The following ULK2 variants were observed in gnomAD, a reference collection of about 807,000 sequenced individuals.
ULK2 encodes unc-51 like autophagy activating kinase 2.
In ULK2, 76 loss-of-function variants were observed where a neutral mutation model predicts 127.5. The observed-to-expected ratio is 0.60, with a 90% CI of 0.50 to 0.72. The LOEUF (loss-of-function observed/expected upper bound fraction) is 0.72, where lower values mean the gene tolerates loss of function less well. ULK2 is among the 30% of genes least tolerant of loss of function. The pLI is 0.00. For synonymous variants in ULK2, 452 were observed against 461.9 expected, an observed-to-expected ratio of 0.98 and a Z score of 0.28; for missense variants, 1,144 against 1,295.9, an observed-to-expected ratio of 0.88 and a Z score of 1.80.
chr17:19,780,184 A>AG (rs1421798982), intron 25 of ULK2, among the ~76,000 whole-genome samples: 2 of 152,062 alleles, frequency 1.3e-5, no homozygotes, highest in Admixed American at 1.3e-4. Context: ...GAAAAAAAAA[A>AG]AAAGAAAAAA....
chr17:19,780,430 G>A, intron 25 of ULK2, 42 bp downstream of exon 25: 2 of 1,491,156 alleles, frequency 1.3e-6, no homozygotes, highest in Non-Finnish European at 1.8e-6. Context: ...GACACTTAAA[G>A]ATAAGTAGTA....
chr17:19,791,628 T>C (rs1314006520), intron 20 of ULK2, among the ~76,000 whole-genome samples: 1 of 152,048 alleles, frequency 6.6e-6, no homozygotes, highest in Non-Finnish European at 1.5e-5. Context: ...GAGGTTGCAG[T>C]GAGCCAAGAT....
chr17:19,789,495 C>T (rs746241177), intron 20 of ULK2, among the ~76,000 whole-genome samples: 18 of 152,266 alleles, frequency 1.2e-4, no homozygotes, highest in East Asian at 3.9e-4. Context: ...TGCCCAGACA[C>T]GGACAAAAAT....
intron 5 of ULK2, 88 bp downstream of exon 5, chr17:19,849,281 A>G: frequency 8.6e-7 from 1 of 1,158,674 alleles, no homozygotes; most frequent in Non-Finnish European, 1.3e-6. Flanking sequence ...AAGAGCAGAA[A>G]ATGGGTAGTG....
chr17:19,835,673 C>A (rs1319092333), intron 10 of ULK2, among the ~76,000 whole-genome samples: 9 of 150,320 alleles, frequency 6.0e-5, no homozygotes, highest in African/African-American at 2.2e-4. Context: ...GCCGAGATCC[C>A]GCCACTGCAC....
At chr17:19,834,899 ACT>A (rs1408146750) in intron 10 of ULK2, among the ~76,000 whole-genome samples, 2 of 149,808 alleles carry the variant, frequency 1.3e-5, no homozygotes, top group African/African-American at 2.5e-5. Flanking sequence ...GCAGAGTGAG[ACT>A]CTGTCTCAGA....
chr17:19,840,568 TAAAA>T, intron 9 of ULK2: 7 of 183,260 alleles, frequency 3.8e-5, no homozygotes, highest in South Asian at 1.7e-4. Context: ...ATTAATCATT[TAAAA>T]AAAAAAAAAA....
rs1375381859 is a variant in ULK2, at chr17:19,773,545, CAAA to C, written c.*2801_*2803del. On this transcript the variant is annotated 3_prime_UTR_variant, in exon 27 of 27. Coordinates refer to ENST00000395544, the MANE Select transcript of ULK2 (RefSeq NM_014683.4). ...GGTTGTTTCTCTCAACTAAAGTTAT[CAAA>C]ATTGGGTGTTGTAATTTTTAACTTG... The C allele has an allele frequency of 6.6e-6, 1 of 152,142 alleles. No homozygotes were observed. Among genetic ancestry groups the C allele is most frequent in the Non-Finnish European group, 1.5e-5 (1 of 68,036 alleles). The allele number at this position is 152,142 out of a possible 1,614,324, so 9.4% of individuals were successfully genotyped here.
At chr17:19,787,919 G>A (rs993186276) in intron 20 of ULK2, among the ~76,000 whole-genome samples, 5 of 152,210 alleles carry the variant, frequency 3.3e-5, no homozygotes, top group Admixed American at 6.5e-5. Context: ...GAGGGAGAGT[G>A]CAGCAATTTG....
At position 19,867,725 on chromosome 17, in the gene ULK2, G is replaced by C. The variant is rs281341; in HGVS notation, c.-308C>G. On this transcript the variant is annotated 5_prime_UTR_variant, in exon 1 of 27. Coordinates refer to ENST00000395544, the MANE Select transcript of ULK2 (RefSeq NM_014683.4). ...CCAGGGGTGCCGTCACCGTCACTGTGCGCGCCCAGAGCCGCACACGCGCTC... is the reference window on the plus strand; with the variant it reads ...CCAGGGGTGCCGTCACCGTCACTGTCCGCGCCCAGAGCCGCACACGCGCTC... 6,870 of 174,180 alleles carry C rather than the reference G, an allele frequency of 0.039. 343 individuals are homozygous for C. The highest frequency in any genetic ancestry group is 0.22 in the East Asian group (1,425 of 6,348). The allele number at this position is 174,180 out of a possible 1,614,324, so 10.8% of individuals were successfully genotyped here.
At chr17:19,804,591 G>GT (rs1567689067) in intron 15 of ULK2, 102 bp downstream of exon 15, 6 of 1,318,506 alleles carry the variant, frequency 4.6e-6, no homozygotes, top group East Asian at 2.5e-5. Flanking sequence ...ATACACACAT[G>GT]TAAGACACTA....
In ULK2 at chr17:19,801,922, T is replaced by C. The variant is rs374544878; in HGVS notation, c.1296A>G (p.Arg432=). 3 of 1,589,754 alleles carry C rather than the reference T, an allele frequency of 1.9e-6. No homozygotes were observed. Among genetic ancestry groups the C allele is most frequent in the African/African-American group, 2.7e-5 (2 of 73,138 alleles). Residue 432 remains arginine, a splice_region_variant and synonymous_variant, in exon 16 of 27, where the codon AGA becomes AGG. Coordinates refer to ENST00000395544, the MANE Select transcript of ULK2 (RefSeq NM_014683.4). ...TGTTGGACCTTCGTACCACTGCAGA[T>C]CTGAAAAGTAAATTATTCCTTCTAT... ...SSGTNVHGSP[R]SAVVRRSNTS... is the part of the protein sequence containing the mutation.
chr17:19,828,906 T>C (rs1180012894), intron 10 of ULK2, among the ~76,000 whole-genome samples: 1 of 152,132 alleles, frequency 6.6e-6, no homozygotes, highest in East Asian at 1.9e-4. Context: ...CTGGGCAACA[T>C]GGTGAAACCA....
At chr17:19,779,537 A>G (rs1369009337) in intron 25 of ULK2, among the ~76,000 whole-genome samples, 2 of 150,568 alleles carry the variant, frequency 1.3e-5, no homozygotes, top group Non-Finnish European at 3.0e-5. Context: ...ATCTCAAAAA[A>G]AAAAAAAAAA....
chr17:19,823,518 T>C (rs1057194943), intron 12 of ULK2, among the ~76,000 whole-genome samples: 2 of 152,190 alleles, frequency 1.3e-5, no homozygotes, highest in African/African-American at 4.8e-5. Context: ...CTGTTGTTCT[T>C]TCCTCTAGCA....
chr17:19,855,169 C>T (rs1444714318), intron 3 of ULK2, among the ~76,000 whole-genome samples: 3 of 151,208 alleles, frequency 2.0e-5, no homozygotes, highest in Admixed American at 6.6e-5. Context: ...CTTTGGGAGG[C>T]CGAGGCGGGT....
intron 20 of ULK2, among the ~76,000 whole-genome samples, chr17:19,788,408 G>A (rs926461245): frequency 2.0e-5 from 3 of 151,796 alleles, no homozygotes; most frequent in South Asian, 2.1e-4. Context: ...GGGCAGAGTC[G>A]TGAGACCCCC....
At position 19,816,805 on chromosome 17, in the gene ULK2, G is replaced by A; in HGVS notation, c.1040C>T (p.Ser347Phe). The stretch of plus-strand genomic sequence containing the variant: ...CAAAACAAAGTCATCCGTGTCACAA[G>A]AAGAGTTCTTGCTACTAGTACTGGC... Reference protein sequence around the residue: ...DSASTSSKNSSCDTDDFVLVP... With the variant: ...DSASTSSKNSFCDTDDFVLVP... Residue 347 changes from serine (S) to phenylalanine (F), a missense_variant, in exon 13 of 27, where the codon TCT (serine) becomes TTT (phenylalanine). Transcript: ENST00000395544. 6.2e-7 allele frequency: 1 copy of A among 1,611,068 alleles called. No individual in the cohort carries two copies. Among genetic ancestry groups the A allele is most frequent in the Non-Finnish European group, 8.5e-7 (1 of 1,179,118 alleles).
At chr17:19,783,959 C>T in intron 21 of ULK2, 54 bp from the exon 22 acceptor site, 1 of 1,318,326 alleles carries the variant, frequency 7.6e-7, no homozygotes. Flanking sequence ...CTTTCACACC[C>T]ACTCCTACTC....
Sources: gnomAD v4.1 joint callset for allele counts (sites outside exome capture counted in the v4.1 genomes callset) on GRCh38, gnomAD v4.1.1 for gene constraint, MANE v1.5 for transcripts, NCBI Gene and HGNC (gene_info 2026-07-23, HGNC 2026-07-21) for gene names.